Variants in THRB observed in about 807,000 individuals in gnomAD.
The protein encoded by THRB is nuclear receptor subfamily 1 group A member 2.
Under a neutral mutation model 47.8 loss-of-function variants are expected in THRB, and 12 were observed. That is an observed-to-expected ratio of 0.25 (90% CI 0.16 to 0.41). The LOEUF is 0.41. Ranked by LOEUF, THRB falls within the 10% of genes least tolerant of loss-of-function variation. The pLI, the probability that THRB is intolerant of heterozygous loss-of-function variation, is 1.00. For missense variants in THRB, 348 were observed against 589.2 expected (o/e 0.59, Z 4.24); for synonymous variants, 218 against 212.2 (o/e 1.03, Z -0.24).
intron 1 of THRB, among the ~76,000 whole-genome samples, chr3:24,376,285 T>C (rs552304560): frequency 3.9e-5 from 6 of 152,330 alleles, no homozygotes; most frequent in South Asian, 4.1e-4. Context: ...ATAAGCTTTA[T>C]GTTTACCTTG....
intron 4 of THRB, among the ~76,000 whole-genome samples, chr3:24,212,194 C>T (rs1037046366): frequency 2.6e-5 from 4 of 151,452 alleles, no homozygotes; most frequent in African/African-American, 7.3e-5. Flanking sequence ...GTCAGGAGTT[C>T]GAGACCAGCC....
intron 5 of THRB, among the ~76,000 whole-genome samples, chr3:24,187,960 G>T (rs1040109729): frequency 6.6e-6 from 1 of 152,164 alleles, no homozygotes; most frequent in Non-Finnish European, 1.5e-5. Context: ...GGTGGACCCT[G>T]GTGGTTACTC....
intron 1 of THRB, among the ~76,000 whole-genome samples, chr3:24,433,808 A>G (rs539278557): frequency 6.6e-6 from 1 of 152,190 alleles, no homozygotes; most frequent in Non-Finnish European, 1.5e-5. Flanking sequence ...TTTCCCTCAT[A>G]AGGTGTTTTG....
At chr3:24,217,137 C>T (rs1369418049) in intron 4 of THRB, among the ~76,000 whole-genome samples, 2 of 150,132 alleles carry the variant, frequency 1.3e-5, no homozygotes, top group Non-Finnish European at 3.0e-5. Context: ...AGAATGTAAT[C>T]CTACTTAGAG....
At chr3:24,302,785 A>G (rs186577142) in intron 2 of THRB, among the ~76,000 whole-genome samples, 4 of 152,254 alleles carry the variant, frequency 2.6e-5, no homozygotes, top group Admixed American at 2.6e-4. Flanking sequence ...CATTACCCCC[A>G]ACTAATATAT....
intron 1 of THRB, among the ~76,000 whole-genome samples, chr3:24,395,685 C>G (rs548174193): frequency 1.3e-5 from 2 of 152,208 alleles, no homozygotes; most frequent in South Asian, 4.1e-4. Context: ...GGCGCAACCA[C>G]TTTGGAAAAC....
chr3:24,151,906 G>A (rs1261976827), intron 6 of THRB, among the ~76,000 whole-genome samples: 1 of 152,188 alleles, frequency 6.6e-6, no homozygotes, highest in East Asian at 1.9e-4. Flanking sequence ...CTGAATCTAA[G>A]TAGCCTCAAA....
At chr3:24,421,652 T>G (rs1031839192) in intron 1 of THRB, among the ~76,000 whole-genome samples, 1 of 151,886 alleles carries the variant, frequency 6.6e-6, no homozygotes, top group Non-Finnish European at 1.5e-5. Flanking sequence ...GAGAAAAGCA[T>G]GCAAAATGGA....
intron 4 of THRB, among the ~76,000 whole-genome samples, chr3:24,196,343 A>C (rs988906558): frequency 3.3e-5 from 5 of 152,096 alleles, no homozygotes; most frequent in African/African-American, 7.3e-5. Context: ...AGGCCAAAAA[A>C]ATAAAAATAA....
intron 8 of THRB, among the ~76,000 whole-genome samples, chr3:24,135,683 T>A (rs2148918491): frequency 6.6e-6 from 1 of 152,126 alleles, no homozygotes; most frequent in Non-Finnish European, 1.5e-5. Context: ...AGCCTTCAGA[T>A]ATCCCTGCTC....
At chr3:24,297,575 G>A (rs899055776) in intron 2 of THRB, among the ~76,000 whole-genome samples, 1 of 152,198 alleles carries the variant, frequency 6.6e-6, no homozygotes, top group Non-Finnish European at 1.5e-5. Flanking sequence ...CTTGCCTTAC[G>A]TGGCATCCAC....
At chr3:24,486,524 A>G (rs1003729657) in intron 1 of THRB, 1 of 152,200 alleles carries the variant, frequency 6.6e-6, no homozygotes, top group East Asian at 1.9e-4. Context: ...AAATTGAAAC[A>G]CATATTCTTA....
rs75672832 is a variant in THRB, at chr3:24,385,019, G to C, written c.-260-47648C>G. 2.2e-3 allele frequency among the ~76,000 whole-genome samples: 339 copies of C among 152,202 alleles called. 1 individual carries two copies. Among genetic ancestry groups the C allele is most frequent in the African/African-American group, 7.4e-3 (308 of 41,546 alleles). On this transcript the variant is annotated intron_variant, in intron 1 of 10. Transcript: ENST00000646209. ...CAATTAAAACAAAATTTAAGTAAAAGTATAATGGTTTTCTGAGAAAGAAGG... is the reference window on the plus strand; with the variant it reads ...CAATTAAAACAAAATTTAAGTAAAACTATAATGGTTTTCTGAGAAAGAAGG...
intron 2 of THRB, among the ~76,000 whole-genome samples, chr3:24,303,379 C>T (rs1162590014): frequency 2.0e-5 from 3 of 152,098 alleles, no homozygotes; most frequent in Admixed American, 6.6e-5. Context: ...GCTTCTCGGC[C>T]GCTACCTGGG....
intron 2 of THRB, among the ~76,000 whole-genome samples, chr3:24,318,154 A>T (rs554036977): frequency 6.6e-6 from 1 of 152,366 alleles, no homozygotes; most frequent in African/African-American, 2.4e-5. Context: ...AGACAGTCAA[A>T]GGGAAGTATG....
chr3:24,254,182 T>C (rs2050974037), intron 3 of THRB, among the ~76,000 whole-genome samples: 4 of 105,658 alleles, frequency 3.8e-5, no homozygotes, highest in South Asian at 7.2e-4. Context: ...GCTAACACAG[T>C]GAAACCCTGT....
intron 1 of THRB, among the ~76,000 whole-genome samples, chr3:24,417,514 G>A (rs1178158560): frequency 6.6e-6 from 1 of 151,916 alleles, no homozygotes; most frequent in Non-Finnish European, 1.5e-5. Context: ...ATTGATGTAT[G>A]ATGACCTTGG....
intron 2 of THRB, among the ~76,000 whole-genome samples, chr3:24,299,505 C>T (rs995445967): frequency 6.6e-5 from 10 of 151,728 alleles, no homozygotes; most frequent in South Asian, 4.1e-4. Context: ...GGTACAGACC[C>T]GATGCTGTAT....
chr3:24,168,490 A>AATATATATATATATATATAT lies in THRB; in HGVS notation c.284-16020_284-16001dup, dbSNP rs370230507. ...TCCGATTAGAAGTGTTTCAATCAAT[A>AATATATATATATATATATAT]ATATATATATATATATATATGCGCC... On this transcript the variant is annotated intron_variant, in intron 5 of 10. Coordinates refer to ENST00000646209, the MANE Select transcript of THRB (RefSeq NM_001354712.2). Among the ~76,000 whole-genome samples, 71 of 137,992 alleles carry AATATATATATATATATATAT rather than the reference A, an allele frequency of 5.1e-4. 1 individual carries two copies. The highest frequency in any genetic ancestry group is 3.3e-3 in the South Asian group (14 of 4,232). 90.5% of individuals were successfully genotyped at this position (137,992 alleles called of 152,430 possible). A position where few individuals can be genotyped will look rare whatever the true frequency, so the allele number is the denominator to read the frequency against.
Sources: allele counts gnomAD v4.1 joint callset (sites outside exome capture counted in the v4.1 genomes callset), GRCh38; gene constraint gnomAD v4.1.1; transcripts MANE v1.5; gene names NCBI Gene and HGNC (gene_info 2026-07-23, HGNC 2026-07-21).